The following SUSD6 variants were observed in gnomAD, a reference collection of about 807,000 sequenced individuals.
SUSD6 encodes the protein sushi domain containing 6.
SUSD6 carries 16 observed loss-of-function variants against 28.4 expected under a neutral mutation model. The observed-to-expected ratio is 0.56, with a 90% CI of 0.38 to 0.86. The LOEUF is 0.86. Ranked by LOEUF, SUSD6 falls within the 40% of genes least tolerant of loss-of-function variation. The pLI is 0.00. For missense variants in SUSD6, 341 were observed against 384.2 expected (o/e 0.89, Z 0.94); for synonymous variants, 147 against 159.6 (o/e 0.92, Z 0.59).
At chr14:69,653,894 C>T (rs560744932) in intron 1 of SUSD6, among the ~76,000 whole-genome samples, 41 of 152,134 alleles carry the variant, frequency 2.7e-4, no homozygotes, top group African/African-American at 9.6e-4. Context: ...GCTGGGTTCT[C>T]CCATTCTGGG....
intron 1 of SUSD6, among the ~76,000 whole-genome samples, chr14:69,627,675 A>T (rs1190636630): frequency 6.6e-6 from 1 of 152,068 alleles, no homozygotes; most frequent in African/African-American, 2.4e-5. Flanking sequence ...CGTGTTAGCC[A>T]GGATGGTCTC....
intron 1 of SUSD6, among the ~76,000 whole-genome samples, chr14:69,614,889 G>C (rs1884936403): frequency 6.6e-6 from 1 of 152,234 alleles, no homozygotes; most frequent in Non-Finnish European, 1.5e-5. Context: ...AATGTCAGCA[G>C]ATCCATTGGG....
intron 1 of SUSD6, among the ~76,000 whole-genome samples, chr14:69,614,613 T>G (rs998801653): frequency 1.3e-5 from 2 of 152,244 alleles, no homozygotes; most frequent in African/African-American, 4.8e-5. Context: ...TTGCTTCAAA[T>G]ATTTTCTTCT....
chr14:69,614,234 T>G (rs1359452537), intron 1 of SUSD6, among the ~76,000 whole-genome samples: 1 of 152,168 alleles, frequency 6.6e-6, no homozygotes, highest in Non-Finnish European at 1.5e-5. Flanking sequence ...GCCTGGCTAA[T>G]TTTTGTATTT....
intron 1 of SUSD6, among the ~76,000 whole-genome samples, chr14:69,620,781 A>G (rs1885024991): frequency 6.6e-6 from 1 of 152,174 alleles, no homozygotes; most frequent in African/African-American, 2.4e-5. Flanking sequence ...TTAATCAACT[A>G]GTTTTTAATC....
At position 69,701,765 on chromosome 14, in the gene SUSD6, C is replaced by T. The variant is rs1186745355; in HGVS notation, c.122-1630C>T. Among the ~76,000 whole-genome samples the T allele has an allele frequency of 2.6e-5, 4 of 152,208 alleles. No homozygotes were observed. The South Asian group carries it at 8.3e-4, about 32-fold the overall frequency. On this transcript the variant is annotated intron_variant, in intron 2 of 5. Coordinates refer to ENST00000342745, the MANE Select transcript of SUSD6 (RefSeq NM_014734.4). ...AGAAGCTGCCAGACTTCTCTGGATC[C>T]CTGTGGCACCTACCCAGCTTTGTTT...
chr14:69,677,640 G>T (rs1885933194), intron 2 of SUSD6, among the ~76,000 whole-genome samples: 2 of 152,072 alleles, frequency 1.3e-5, no homozygotes, highest in Admixed American at 1.3e-4. Flanking sequence ...GGTGGGGTGG[G>T]TGGCAGCAGT....
At chr14:69,685,746 A>C (rs1352227791) in intron 2 of SUSD6, among the ~76,000 whole-genome samples, 2 of 152,144 alleles carry the variant, frequency 1.3e-5, no homozygotes, top group Admixed American at 1.3e-4. Flanking sequence ...GTGGTGGGGG[A>C]GTGAGAGGGT....
intron 1 of SUSD6, among the ~76,000 whole-genome samples, chr14:69,627,686 G>T (rs1475251964): frequency 6.6e-6 from 1 of 151,978 alleles, no homozygotes; most frequent in Non-Finnish European, 1.5e-5. Context: ...GGATGGTCTC[G>T]ATCTCCTGAC....
At chr14:69,653,440 G>A in intron 1 of SUSD6, among the ~76,000 whole-genome samples, 1 of 152,206 alleles carries the variant, frequency 6.6e-6, no homozygotes, top group East Asian at 1.9e-4. Context: ...TTTTTCAGAT[G>A]TGGAAACAGA....
At chr14:69,683,175 C>T (rs998116312) in intron 2 of SUSD6, among the ~76,000 whole-genome samples, 57 of 152,134 alleles carry the variant, frequency 3.7e-4, no homozygotes, top group African/African-American at 1.3e-3. Context: ...GAGTTTGCCA[C>T]GACTGGGGTC....
chr14:69,658,891 C>G (rs1333019636), intron 2 of SUSD6, among the ~76,000 whole-genome samples, 178 bp downstream of exon 2: 1 of 152,154 alleles, frequency 6.6e-6, no homozygotes, highest in Admixed American at 6.5e-5. Context: ...AATGAGTCAC[C>G]TGGAGGAGGG....
At chr14:69,702,298 G>C (rs902624776) in intron 2 of SUSD6, among the ~76,000 whole-genome samples, 7 of 152,220 alleles carry the variant, frequency 4.6e-5, no homozygotes, top group African/African-American at 1.7e-4. Flanking sequence ...TCCAAACAGT[G>C]ATTCTGTAGT....
chr14:69,663,866 C>T (rs1885698283), intron 2 of SUSD6, among the ~76,000 whole-genome samples: 1 of 152,044 alleles, frequency 6.6e-6, no homozygotes, highest in Non-Finnish European at 1.5e-5. Context: ...CTCAGATCAG[C>T]CTCCAGAAAA....
intron 1 of SUSD6, among the ~76,000 whole-genome samples, chr14:69,650,496 G>C (rs888853654): frequency 1.3e-5 from 2 of 152,172 alleles, no homozygotes; most frequent in African/African-American, 2.4e-5. Flanking sequence ...CTGTTTTACT[G>C]ATGAGAAAAC....
intron 1 of SUSD6, among the ~76,000 whole-genome samples, chr14:69,613,020 G>C (rs1884904460): frequency 6.6e-6 from 1 of 152,138 alleles, no homozygotes; most frequent in African/African-American, 2.4e-5. Flanking sequence ...ACTGACTTCT[G>C]AGTTCTCTGG....
intron 2 of SUSD6, among the ~76,000 whole-genome samples, chr14:69,671,802 C>T (rs1164219470): frequency 6.6e-6 from 1 of 152,164 alleles, no homozygotes; most frequent in African/African-American, 2.4e-5. Flanking sequence ...GAGTGGCTTT[C>T]AGCAAAGGAA....
At chr14:69,630,361 G>T (rs770081141) in intron 1 of SUSD6, among the ~76,000 whole-genome samples, 6 of 152,194 alleles carry the variant, frequency 3.9e-5, no homozygotes, top group Non-Finnish European at 5.9e-5. Context: ...TACCGTCAGA[G>T]ACCAGCAAGG....
chr14:69,625,676 G>A (rs1885104108), intron 1 of SUSD6, among the ~76,000 whole-genome samples: 1 of 152,170 alleles, frequency 6.6e-6, no homozygotes, highest in Non-Finnish European at 1.5e-5. Context: ...CACCTTCCAG[G>A]GCAGATGGAC....
Sources: gnomAD v4.1 joint callset for allele counts (sites outside exome capture counted in the v4.1 genomes callset) on GRCh38, gnomAD v4.1.1 for gene constraint, MANE v1.5 for transcripts, NCBI Gene and HGNC (gene_info 2026-07-23, HGNC 2026-07-21) for gene names.